CCSER1: variants seen among roughly 807,000 people sequenced by gnomAD.
CCSER1 encodes coiled-coil serine rich protein 1.
A neutral mutation model predicts 82.0 loss-of-function variants in CCSER1; 41 were observed. The observed-to-expected ratio is 0.50, with a 90% CI of 0.39 to 0.65. The LOEUF (loss-of-function observed/expected upper bound fraction) is 0.65. Among genes scored for constraint, CCSER1 ranks in the 30% least tolerant of loss-of-function variants. The pLI is 0.00. For synonymous variants in CCSER1, 414 were observed against 383.9 expected, an observed-to-expected ratio of 1.08 and a Z score of -0.92; for missense variants, 1,119 against 1,064.2, an observed-to-expected ratio of 1.05 and a Z score of -0.72.
chr4:90,348,906 CT>C (rs1417948202), intron 3 of CCSER1, among the ~76,000 whole-genome samples: 3 of 151,912 alleles, frequency 2.0e-5, no homozygotes, highest in African/African-American at 4.8e-5. Flanking sequence ...TTTTATATAT[CT>C]TTTTTCTATT....
Position 91,347,177 on chromosome 4 carries a change from G to A in CCSER1, c.2218-251395G>A, listed in dbSNP as rs745666925. Among the ~76,000 whole-genome samples, 8 of 152,100 alleles carry A rather than the reference G, an allele frequency of 5.3e-5. 1 individual carries two copies. The highest frequency in any genetic ancestry group is 5.2e-4 in the Admixed American group (8 of 15,270). ...GAGTTAATTTTGTGAAAGGTATAAC[G>A]TCTGGGTGTAGATTTATTTTTTGCA... On this transcript the variant is annotated intron_variant, in intron 10 of 10. Coordinates refer to ENST00000509176, the MANE Select transcript of CCSER1 (RefSeq NM_001145065.2).
At chr4:91,106,802 A>G (rs1369059021) in intron 10 of CCSER1, among the ~76,000 whole-genome samples, 2 of 152,178 alleles carry the variant, frequency 1.3e-5, no homozygotes, top group Non-Finnish European at 2.9e-5. Context: ...CCTCCATGAT[A>G]ACCTCCAAAT....
chr4:90,561,628 A>G (rs1446320197), intron 5 of CCSER1, among the ~76,000 whole-genome samples: 2 of 152,116 alleles, frequency 1.3e-5, no homozygotes, highest in Non-Finnish European at 2.9e-5. Flanking sequence ...GCCAAATCCT[A>G]GTTGTACAGA....
At chr4:91,362,706 T>TTCC (rs1175749465) in intron 10 of CCSER1, among the ~76,000 whole-genome samples, 1 of 151,710 alleles carries the variant, frequency 6.6e-6, no homozygotes, top group Non-Finnish European at 1.5e-5. Flanking sequence ...TGAATACATT[T>TTCC]TCCTCATCTT....
intron 7 of CCSER1, among the ~76,000 whole-genome samples, chr4:90,764,040 G>A (rs936869188): frequency 2.0e-5 from 3 of 151,538 alleles, no homozygotes; most frequent in African/African-American, 7.3e-5. Context: ...AAACATATCA[G>A]GAAAAACAGA....
intron 10 of CCSER1, among the ~76,000 whole-genome samples, chr4:91,475,254 G>A (rs1246319948): frequency 2.6e-5 from 4 of 151,676 alleles, no homozygotes; most frequent in African/African-American, 9.7e-5. Context: ...TTCTCCTTCA[G>A]ACCCTGAACA....
chr4:90,209,989 T>C (rs1005338752), intron 1 of CCSER1, among the ~76,000 whole-genome samples: 1 of 152,158 alleles, frequency 6.6e-6, no homozygotes, highest in African/African-American at 2.4e-5. Flanking sequence ...TCTGAAGCCT[T>C]TCTCTCTCGG....
chr4:91,588,073 C>T (rs1764091299), intron 10 of CCSER1, among the ~76,000 whole-genome samples: 1 of 151,326 alleles, frequency 6.6e-6, no homozygotes, highest in African/African-American at 2.4e-5. Context: ...ATCTGACTCT[C>T]ATTATATTTT....
chr4:90,657,531 A>T (rs1376630418), intron 6 of CCSER1, among the ~76,000 whole-genome samples: 3 of 152,140 alleles, frequency 2.0e-5, no homozygotes, highest in Non-Finnish European at 4.4e-5. Flanking sequence ...GTTACACCGT[A>T]TACCGTGTCA....
chr4:91,243,696 A>T (rs539818792), intron 10 of CCSER1, among the ~76,000 whole-genome samples: 1 of 152,260 alleles, frequency 6.6e-6, no homozygotes, highest in South Asian at 2.1e-4. Flanking sequence ...GAAGGGAAGA[A>T]CCCATTCTCT....
intron 1 of CCSER1, among the ~76,000 whole-genome samples, chr4:90,173,713 A>G (rs1560741750): frequency 1.3e-5 from 2 of 151,992 alleles, no homozygotes. Flanking sequence ...GCTAGGCACA[A>G]GTTTAAGGGT....
chr4:90,171,524 T>C (rs1008122609), intron 1 of CCSER1, among the ~76,000 whole-genome samples: 9 of 151,966 alleles, frequency 5.9e-5, no homozygotes, highest in Admixed American at 5.3e-4. Context: ...TCTGACAGTG[T>C]AACTTCCAAA....
At chr4:90,544,007 G>C (rs1225388041) in intron 5 of CCSER1, among the ~76,000 whole-genome samples, 2 of 152,068 alleles carry the variant, frequency 1.3e-5, no homozygotes, top group Admixed American at 1.3e-4. Flanking sequence ...AGAGACAAGA[G>C]TTTCTTCCAG....
At chr4:90,393,388 G>C (rs1751481619) in intron 3 of CCSER1, among the ~76,000 whole-genome samples, 1 of 152,172 alleles carries the variant, frequency 6.6e-6, no homozygotes, top group Admixed American at 6.5e-5. Context: ...TGGAATAGTG[G>C]AGACGGAAAT....
chr4:90,509,785 C>A (rs1771218277), intron 5 of CCSER1, among the ~76,000 whole-genome samples: 1 of 152,106 alleles, frequency 6.6e-6, no homozygotes, highest in South Asian at 2.1e-4. Context: ...ACCTTCACTG[C>A]TCATAGCTGG....
At chr4:90,422,058 A>G (rs1328560210) in intron 4 of CCSER1, among the ~76,000 whole-genome samples, 1 of 152,174 alleles carries the variant, frequency 6.6e-6, no homozygotes, top group Non-Finnish European at 1.5e-5. Flanking sequence ...AGGTGTTACA[A>G]TCACATATCA....
intron 9 of CCSER1, among the ~76,000 whole-genome samples, chr4:90,988,159 C>A (rs10002076): frequency 0.58 from 86,853 of 150,584 alleles, 25,279 homozygotes; most frequent in East Asian, 0.8. Flanking sequence ...TCTACAAAAA[C>A]TAAAAATGAA....
chr4:90,695,958 T>G (rs1244083219), intron 6 of CCSER1, among the ~76,000 whole-genome samples: 3 of 152,068 alleles, frequency 2.0e-5, no homozygotes, highest in Non-Finnish European at 2.9e-5. Flanking sequence ...TAAAACATTT[T>G]GAAATGCAAA....
chr4:91,168,443 T>G, intron 10 of CCSER1, among the ~76,000 whole-genome samples: 1 of 103,356 alleles, frequency 9.7e-6, no homozygotes, highest in South Asian at 3.6e-4. Flanking sequence ...CCGGCCGCCC[T>G]GTCTGGGAAG....
Sources: allele counts gnomAD v4.1 joint callset (sites outside exome capture counted in the v4.1 genomes callset), GRCh38; gene constraint gnomAD v4.1.1; transcripts MANE v1.5; gene names NCBI Gene and HGNC (gene_info 2026-07-23, HGNC 2026-07-21).